PPP1R11: variants seen among roughly 807,000 people sequenced by gnomAD.
PPP1R11 encodes the protein protein phosphatase 1 regulatory inhibitor subunit 11.
In PPP1R11, 10 loss-of-function variants were observed where a neutral mutation model predicts 11.3. The observed-to-expected ratio is 0.88, with a 90% CI of 0.55 to 1.50. PPP1R11 has a LOEUF of 1.50. Ranked by LOEUF, PPP1R11 falls within the 40% of genes most tolerant of loss-of-function variation. PPP1R11 has a pLI of 0.00. For synonymous variants in PPP1R11, 56 were observed against 62.3 expected (o/e 0.90, Z 0.48); for missense variants, 114 against 179.1 (o/e 0.64, Z 2.07).
chr6:30,062,329 T>C, upstream of PPP1R11: 1 of 1,604,012 alleles, frequency 6.2e-7, no homozygotes, highest in Non-Finnish European at 8.5e-7. Context: ...CTGTACCAAC[T>C]GCAAGTGAGT....
upstream of PPP1R11, chr6:30,066,759 G>C (rs1247662762): frequency 7.2e-5 from 11 of 152,640 alleles, no homozygotes; most frequent in Admixed American, 7.2e-4. Context: ...TCTTAAGTGT[G>C]TTTCCAACTG....
At chr6:30,064,268 T>C (rs1765333041), upstream of PPP1R11, among the ~76,000 whole-genome samples, 1 of 151,968 alleles carries the variant, frequency 6.6e-6, no homozygotes, top group African/African-American at 2.4e-5. Context: ...AGTATTTTTT[T>C]CCTATCACTG....
At chr6:30,067,084 TTC>T (rs1042655431), upstream of PPP1R11, 17 of 346,474 alleles carry the variant, frequency 4.9e-5, no homozygotes, top group Admixed American at 1.8e-4. Flanking sequence ...CCAAATTTGT[TTC>T]TCTTTCTTTC....
At chr6:30,061,874 C>T, upstream of PPP1R11, 2 of 1,601,448 alleles carry the variant, frequency 1.2e-6, no homozygotes, top group South Asian at 2.2e-5. This position sits in a 1 kb window ranked among gnomAD's most constrained non-coding sequence, Gnocchi z 5.0. Context: ...GGTGTCAGCT[C>T]TCTCTGGTTG....
At chr6:30,061,476 TTC>T in the PPP1R11 span, 2 of 1,603,730 alleles carry the variant, frequency 1.2e-6, no homozygotes, top group Non-Finnish European at 1.7e-6. This position sits in a 1 kb window ranked among gnomAD's most constrained non-coding sequence, Gnocchi z 5.0. Context: ...ACAGGAACTC[TTC>T]TCTCTTTTGT....
chr6:30,065,749 C>T (rs1427275304), upstream of PPP1R11, among the ~76,000 whole-genome samples: 1 of 151,712 alleles, frequency 6.6e-6, no homozygotes, highest in Non-Finnish European at 1.5e-5. This position sits in a 1 kb window ranked among gnomAD's most constrained non-coding sequence, Gnocchi z 5.3. Flanking sequence ...ACAGAGATAA[C>T]CAAATTATAC....
upstream of PPP1R11, chr6:30,064,752 C>T (rs1270241272): frequency 9.0e-6 from 14 of 1,550,696 alleles, no homozygotes; most frequent in Admixed American, 1.8e-5. Flanking sequence ...GTGAAGGATA[C>T]TGGGTTTTTA....
In PPP1R11 at chr6:30,067,376, C is replaced by T; in HGVS notation, c.-35C>T. The stretch of plus-strand genomic sequence containing the variant: ...GAAAAAGGGAAGGGTGTCTCATCCC[C>T]CTTCCTCCTCTCCTCCCTGTCCTGA... On this transcript the variant is annotated 5_prime_UTR_variant, in exon 1 of 3. Coordinates refer to ENST00000376772, the MANE Select transcript of PPP1R11 (RefSeq NM_021959.3). 3.1e-6 allele frequency: 5 copies of T among 1,600,104 alleles called. No homozygotes were observed. The highest frequency in any genetic ancestry group is 4.3e-6 in the Non-Finnish European group (5 of 1,167,606).
chr6:30,063,682 T>G (rs1396016547), upstream of PPP1R11, among the ~76,000 whole-genome samples: 1 of 152,016 alleles, frequency 6.6e-6, no homozygotes, highest in Admixed American at 6.6e-5. This position sits in a 1 kb window ranked among gnomAD's most constrained non-coding sequence, Gnocchi z 4.1. Context: ...TAAATTCGAG[T>G]TTTTTAGAAC....
Position 30,068,804 on chromosome 6 carries a change from G to C in PPP1R11, c.178+106G>C. ...TTCCAGAAGCCCCCAGATGTTCATA[G>C]TTCTGTCACTTTTTTGGTGGTGCTG... is the stretch of plus-strand genomic sequence containing the variant. On this transcript the variant is annotated intron_variant, in intron 2 of 2. Coordinates refer to ENST00000376772, the MANE Select transcript of PPP1R11 (RefSeq NM_021959.3). 7 of 1,039,062 alleles carry C rather than the reference G, an allele frequency of 6.7e-6. No individual in the cohort carries two copies. The South Asian group carries it at 1.1e-4, about 16-fold the overall frequency. The allele number at this position is 1,039,062 out of a possible 1,614,324, so 64.4% of individuals were successfully genotyped here.
chr6:30,065,535 G>A (rs1033856632), upstream of PPP1R11, among the ~76,000 whole-genome samples: 6 of 151,894 alleles, frequency 4.0e-5, no homozygotes, highest in Admixed American at 1.3e-4. The surrounding 1 kb of genome is among the most constrained non-coding windows in gnomAD (Gnocchi z 5.3). Flanking sequence ...CAAAATATGT[G>A]TTAATCAACG....
At position 30,069,039 on chromosome 6, in the gene PPP1R11, G is replaced by GA; in HGVS notation, c.179-63dup. 1 of 1,454,970 alleles carries GA rather than the reference G, an allele frequency of 6.9e-7. No individual in the cohort carries two copies. Among genetic ancestry groups the GA allele is most frequent in the Non-Finnish European group, 9.6e-7 (1 of 1,044,012 alleles). The allele number at this position is 1,454,970 out of a possible 1,614,324, so 90.1% of individuals were successfully genotyped here. ...AGGAATTTTCACTGAGTTTGAGTGG[G>GA]AATGGAACTGACTATATATCTTACC... On this transcript the variant is annotated intron_variant, in intron 2 of 2. Coordinates refer to ENST00000376772, the MANE Select transcript of PPP1R11 (RefSeq NM_021959.3). The surrounding 1 kb of genome is among the most constrained non-coding windows in gnomAD (Gnocchi z 6.6).
chr6:30,068,397 G>A, intron 1 of PPP1R11, 193 bp from the exon 2 acceptor site: 1 of 486,824 alleles, frequency 2.1e-6, no homozygotes, highest in East Asian at 3.2e-5. Flanking sequence ...ATAAGAACAG[G>A]AAATAATACT....
chr6:30,062,236 T>A (rs1765139639), upstream of PPP1R11: 2 of 1,612,968 alleles, frequency 1.2e-6, no homozygotes, highest in Non-Finnish European at 1.7e-6. Context: ...TGACAGGCGC[T>A]GCCCTCGATG....
At position 30,069,150 on chromosome 6, in the gene PPP1R11, G is replaced by C. The variant is rs17194055; in HGVS notation, c.225G>C (p.Thr75=). 6,066 of 1,612,606 alleles carry C rather than the reference G, an allele frequency of 3.8e-3. 169 individuals carry two copies. In the African/African-American group the frequency reaches 0.061, roughly 16 times the overall value. ...CTCGGGCCTTTGGCGAGAGCTCCAC[G>C]GAAAGTGATGAGGAGGAAGAAGAGG... is the stretch of plus-strand genomic sequence containing the variant. The part of the protein sequence containing the change: ...EKPRAFGESS[T]ESDEEEEEGC... The change falls in exon 3 of 3, where the codon ACG becomes ACC. Residue 75 remains threonine (T), a synonymous_variant. Coordinates refer to ENST00000376772, the MANE Select transcript of PPP1R11 (RefSeq NM_021959.3). The surrounding 1 kb of genome is among the most constrained non-coding windows in gnomAD (Gnocchi z 6.6).
upstream of PPP1R11, chr6:30,062,381 C>T: frequency 7.8e-7 from 1 of 1,287,688 alleles, no homozygotes; most frequent in Non-Finnish European, 1.1e-6. Context: ...GCTAACTAAA[C>T]AAATCCAGTG....
chr6:30,063,165 A>G (rs1765253592), upstream of PPP1R11, among the ~76,000 whole-genome samples: 1 of 151,812 alleles, frequency 6.6e-6, no homozygotes, highest in African/African-American at 2.4e-5. This position sits in a 1 kb window ranked among gnomAD's most constrained non-coding sequence, Gnocchi z 4.1. Flanking sequence ...TTTTTCATCA[A>G]CCTTGGAAAA....
the PPP1R11 span, chr6:30,061,518 C>T: frequency 6.2e-7 from 1 of 1,612,936 alleles, no homozygotes; most frequent in Non-Finnish European, 8.5e-7. This position sits in a 1 kb window ranked among gnomAD's most constrained non-coding sequence, Gnocchi z 5.0. Context: ...TCCTCAGACC[C>T]GACCGCATGT....
chr6:30,064,742 G>C (rs749458555), upstream of PPP1R11: 4 of 1,587,540 alleles, frequency 2.5e-6, no homozygotes, highest in Non-Finnish European at 3.4e-6. Context: ...CTTTCGGAAG[G>C]TGAAGGATAC....
Sources: gnomAD v4.1 joint callset for allele counts (sites outside exome capture counted in the v4.1 genomes callset) on GRCh38, gnomAD v4.1.1 for gene constraint, Gnocchi (gnomAD v3.1) non-coding constraint, MANE v1.5 for transcripts, NCBI Gene and HGNC (gene_info 2026-07-23, HGNC 2026-07-21) for gene names.